LRCH1: variants seen among roughly 807,000 people sequenced by gnomAD.
LRCH1 encodes the protein leucine-rich repeat and calponin homology domain-containing protein 1.
LRCH1 carries 23 observed loss-of-function variants against 94.9 expected under a neutral mutation model. The ratio of observed to expected loss-of-function variants is 0.24; its 90% confidence interval spans 0.17 to 0.34. The LOEUF is 0.34. Among genes scored for constraint, LRCH1 ranks in the 10% least tolerant of loss-of-function variants. LRCH1 has a pLI of 1.00. For missense variants in LRCH1, 790 were observed against 945.9 expected (o/e 0.84, Z 2.16); for synonymous variants, 364 against 354.9 (o/e 1.03, Z -0.29).
chr13:46,594,588 C>T (rs183472634), intron 1 of LRCH1, among the ~76,000 whole-genome samples: 58 of 152,190 alleles, frequency 3.8e-4, no homozygotes, highest in African/African-American at 1.4e-3. Flanking sequence ...GTGCCAAGTG[C>T]CCTGGAAGGT....
At chr13:46,607,045 C>T (rs544975574) in intron 1 of LRCH1, among the ~76,000 whole-genome samples, 10 of 152,118 alleles carry the variant, frequency 6.6e-5, no homozygotes, top group Non-Finnish European at 1.5e-4. Context: ...CTGGAGGAAT[C>T]AGCTTGGGGT....
chr13:46,694,741 C>A, intron 8 of LRCH1, 152 bp from the exon 9 acceptor site: 1 of 723,774 alleles, frequency 1.4e-6, no homozygotes. Flanking sequence ...CTTTTCCTCC[C>A]TGCAGGGAAG....
At chr13:46,577,308 G>A (rs1446868286) in intron 1 of LRCH1, among the ~76,000 whole-genome samples, 1 of 152,100 alleles carries the variant, frequency 6.6e-6, no homozygotes, top group Admixed American at 6.5e-5. Context: ...ATGTTGGCCA[G>A]GCTGGTCTCG....
At chr13:46,655,824 A>G (rs902751927) in intron 2 of LRCH1, among the ~76,000 whole-genome samples, 1 of 152,216 alleles carries the variant, frequency 6.6e-6, no homozygotes, top group South Asian at 2.1e-4. Flanking sequence ...AAAGTTCTGT[A>G]TAGTATTTGA....
chr13:46,623,704 T>TTC (rs2050909319), intron 1 of LRCH1, among the ~76,000 whole-genome samples: 1 of 141,704 alleles, frequency 7.1e-6, no homozygotes, highest in African/African-American at 2.6e-5. Flanking sequence ...TTTTTTTTTT[T>TTC]TTTCTTTTTC....
chr13:46,674,808 CA>C, intron 3 of LRCH1, among the ~76,000 whole-genome samples: 1 of 152,188 alleles, frequency 6.6e-6, no homozygotes, highest in Non-Finnish European at 1.5e-5. Context: ...GCCAAAGCCA[CA>C]AGGATATGAA....
intron 1 of LRCH1, among the ~76,000 whole-genome samples, chr13:46,584,638 C>T (rs761063162): frequency 5.3e-5 from 8 of 152,200 alleles, no homozygotes; most frequent in African/African-American, 7.2e-5. Context: ...CTCTACACTC[C>T]GTGTTTTTCT....
chr13:46,579,865 A>G (rs186917955), intron 1 of LRCH1, among the ~76,000 whole-genome samples: 17 of 152,358 alleles, frequency 1.1e-4, no homozygotes, highest in Admixed American at 3.3e-4. Flanking sequence ...ACAATTTAAA[A>G]TGTCAAAGCA....
At chr13:46,618,570 C>A (rs1594290308) in intron 1 of LRCH1, among the ~76,000 whole-genome samples, 1 of 152,126 alleles carries the variant, frequency 6.6e-6, no homozygotes, top group Non-Finnish European at 1.5e-5. Flanking sequence ...AAATACAGAA[C>A]CTTCTTCATT....
chr13:46,573,423 C>T (rs1306269849), intron 1 of LRCH1, among the ~76,000 whole-genome samples: 2 of 152,156 alleles, frequency 1.3e-5, no homozygotes, highest in African/African-American at 4.8e-5. Flanking sequence ...GAGATATCTG[C>T]ACCCCCATGT....
chr13:46,651,703 CTTT>C (rs58584317), intron 2 of LRCH1, among the ~76,000 whole-genome samples: 1 of 127,192 alleles, frequency 7.9e-6, no homozygotes, highest in Non-Finnish European at 1.6e-5. Flanking sequence ...TGTAGAAGTG[CTTT>C]TTTTTTTTTT....
intron 1 of LRCH1, among the ~76,000 whole-genome samples, chr13:46,582,010 C>T (rs554125039): frequency 2.6e-5 from 4 of 152,124 alleles, no homozygotes; most frequent in African/African-American, 7.2e-5. Flanking sequence ...ATTAGCCGGG[C>T]GTGCTGGTGT....
chr13:46,742,334 G>A lies in LRCH1; in HGVS notation c.*486G>A, dbSNP rs546637534. ...GGGAGGACAGAAAACTAACATTTTGGCCCAACTTGATCTATACAAAACTTT... is the reference window on the plus strand; with the variant it reads ...GGGAGGACAGAAAACTAACATTTTGACCCAACTTGATCTATACAAAACTTT... On this transcript the variant is annotated 3_prime_UTR_variant, in exon 20 of 20. Transcript: ENST00000389797. 1 of 1,002,072 alleles carries A rather than the reference G, an allele frequency of 1.0e-6. No individual in the cohort carries two copies. The highest frequency in any genetic ancestry group is 1.2e-6 in the Non-Finnish European group (1 of 839,510). The allele number at this position is 1,002,072 out of a possible 1,614,324, so 62.1% of individuals were successfully genotyped here.
At chr13:46,627,195 A>C (rs532866553) in intron 1 of LRCH1, among the ~76,000 whole-genome samples, 7 of 152,370 alleles carry the variant, frequency 4.6e-5, no homozygotes, top group Non-Finnish European at 1.0e-4. Context: ...GTATATACAC[A>C]AAATTTGACA....
chr13:46,632,383 G>A (rs1295144156), intron 1 of LRCH1, among the ~76,000 whole-genome samples: 1 of 152,152 alleles, frequency 6.6e-6, no homozygotes, highest in Non-Finnish European at 1.5e-5. Flanking sequence ...ACATATGCCT[G>A]TGTGGTCACA....
At chr13:46,569,022 A>T (rs968406718) in intron 1 of LRCH1, among the ~76,000 whole-genome samples, 1 of 152,242 alleles carries the variant, frequency 6.6e-6, no homozygotes, top group Non-Finnish European at 1.5e-5. Context: ...AATGCCTCCT[A>T]TTAGAAGACT....
chr13:46,629,717 A>C (rs1367732835), intron 1 of LRCH1, among the ~76,000 whole-genome samples: 1 of 152,242 alleles, frequency 6.6e-6, no homozygotes, highest in Non-Finnish European at 1.5e-5. Context: ...GGAGCCAGCA[A>C]TGCAGGTTGC....
intron 1 of LRCH1, among the ~76,000 whole-genome samples, chr13:46,631,849 G>T (rs114530728): frequency 2.0e-5 from 3 of 151,992 alleles, no homozygotes; most frequent in Non-Finnish European, 4.4e-5. Context: ...ACCTTTCTGC[G>T]TCTCCGTTTC....
Position 46,553,353 on chromosome 13 carries a change from C to G in LRCH1, c.-44C>G, listed in dbSNP as rs2050020737. 3 of 1,468,086 alleles carry G rather than the reference C, an allele frequency of 2.0e-6. No individual in the cohort carries two copies. The African/African-American group carries it at 4.2e-5, about 21-fold the overall frequency. The allele number at this position is 1,468,086 out of a possible 1,614,324, so 90.9% of individuals were successfully genotyped here. A position where few individuals can be genotyped will look rare whatever the true frequency, so the allele number is the denominator to read the frequency against. On this transcript the variant is annotated 5_prime_UTR_variant, in exon 1 of 20. Transcript: ENST00000389797. Reference sequence around the variant, plus strand: ...TCCCCTCGCGGGGAACGCTGTGACCCCCCCGCAGGAGCGGCGGGGCGGGGT... The same window carrying G: ...TCCCCTCGCGGGGAACGCTGTGACCGCCCCGCAGGAGCGGCGGGGCGGGGT...
Sources: gnomAD v4.1 joint callset for allele counts (sites outside exome capture counted in the v4.1 genomes callset) on GRCh38, gnomAD v4.1.1 for gene constraint, MANE v1.5 for transcripts, NCBI Gene and HGNC (gene_info 2026-07-23, HGNC 2026-07-21) for gene names.